Variants in COL17A1 observed in about 807,000 individuals in gnomAD.
COL17A1 encodes collagen alpha-1(XVII) chain.
COL17A1 carries 181 observed loss-of-function variants against 218.4 expected under a neutral mutation model. That is an observed-to-expected ratio of 0.83 (90% CI 0.73 to 0.94). The LOEUF (loss-of-function observed/expected upper bound fraction) is 0.94. COL17A1 is among the 40% of genes least tolerant of loss of function. COL17A1 has a pLI of 0.00. For missense variants in COL17A1, 1,924 were observed against 1,945.9 expected, an observed-to-expected ratio of 0.99 and a Z score of 0.21; for synonymous variants, 721 against 731.0, an observed-to-expected ratio of 0.99 and a Z score of 0.22.
chr10:104,073,228 C>T lies in COL17A1; in HGVS notation c.397G>A (p.Gly133Arg), dbSNP rs528672463. The change falls in exon 7 of 56, where the codon GGA (glycine) becomes AGA (arginine). Residue 133 changes from glycine to arginine, a missense_variant. Transcript: ENST00000648076. ...RKEFASSSTR[G>R]RSQTRESEIR... ...CACTCACCTCGTGTTTGACTCCGTC[C>T]TCTGGTTGAAGAAGATGCTGAGAAA... 1.8e-5 allele frequency: 29 copies of T among 1,613,878 alleles called. No individual in the cohort carries two copies. The highest frequency in any genetic ancestry group is 2.3e-5 in the Non-Finnish European group (27 of 1,179,894).
Position 104,080,614 on chromosome 10 carries a change from G to C in COL17A1, c.52+8C>G, listed in dbSNP as rs768655391. 6.2e-7 allele frequency: 1 copy of C among 1,612,062 alleles called. No individual in the cohort carries two copies. ...AACACATAAATTAAAAAATTCTGAT[G>C]CTCTTACTTCTCTCAGTGACTTCAG... On this transcript the variant is annotated splice_region_variant and intron_variant, in intron 2 of 55. Transcript: ENST00000648076.
intron 1 of COL17A1, among the ~76,000 whole-genome samples, chr10:104,085,297 C>T (rs553801001): frequency 1.3e-5 from 2 of 152,218 alleles, no homozygotes; most frequent in South Asian, 2.1e-4. Context: ...TTTAACTTCA[C>T]CCCTGAGTTG....
In COL17A1 at chr10:104,033,978, C is replaced by T; in HGVS notation, c.4123G>A (p.Glu1375Lys). ...ADFAGDLDYN[E>K]LAVRVSESMQ... is the part of the protein sequence containing the mutation. Reference sequence around the variant, plus strand: ...CTCTCTGACACCCTCACAGCCAGCTCATTGTAATCCAGATCTCCAGCAAAG... The same window carrying T: ...CTCTCTGACACCCTCACAGCCAGCTTATTGTAATCCAGATCTCCAGCAAAG... Residue 1375 changes from glutamate to lysine, a missense_variant, in exon 52 of 56, where the codon GAG (glutamate) becomes AAG (lysine). Glu to Lys is a moderately conservative substitution (Grantham distance 56, BLOSUM62 1). Transcript: ENST00000648076. 1 of 1,614,214 alleles carries T rather than the reference C, an allele frequency of 6.2e-7. No individual in the cohort carries two copies. The highest frequency in any genetic ancestry group is 8.5e-7 in the Non-Finnish European group (1 of 1,180,046).
At position 104,072,049 on chromosome 10, in the gene COL17A1, G is replaced by A. The variant is rs757767776; in HGVS notation, c.446C>T (p.Ala149Val). Residue 149 changes from alanine to valine, a missense_variant, in exon 8 of 56, where the codon GCG (alanine) becomes GTG (valine). Transcript: ENST00000648076. ...CCACTTACATCGGGTGGATGGGGAC[G>A]CACTCTGCAGTCGAACTCGAATTTC... ...ESEIRVRLQS[A>V]SPSTRWTELD... 6.2e-6 allele frequency: 10 copies of A among 1,613,916 alleles called. No homozygotes were observed. The highest frequency in any genetic ancestry group is 6.8e-6 in the Non-Finnish European group (8 of 1,180,012).
intron 46 of COL17A1, 113 bp from the exon 47 acceptor site, chr10:104,037,226 G>T: frequency 1.1e-6 from 1 of 885,228 alleles, no homozygotes; most frequent in Non-Finnish European, 1.8e-6. Context: ...GGGGGAAGTG[G>T]ATGAATGGAG....
chr10:104,035,148 A>C (rs2086263115), intron 50 of COL17A1, 115 bp downstream of exon 50: 2 of 920,170 alleles, frequency 2.2e-6, no homozygotes, highest in African/African-American at 3.3e-5. Flanking sequence ...AGGGCCCTGC[A>C]CCCAGCACTG....
intron 45 of COL17A1, among the ~76,000 whole-genome samples, chr10:104,037,989 T>C (rs564239949): frequency 6.6e-6 from 1 of 152,196 alleles, no homozygotes; most frequent in Non-Finnish European, 1.5e-5. Flanking sequence ...AAGTGGCCCA[T>C]GAGGGCTGTG....
intron 22 of COL17A1, 75 bp downstream of exon 22, chr10:104,053,845 C>G (rs2086493619): frequency 1.2e-6 from 1 of 862,622 alleles, no homozygotes; most frequent in East Asian, 2.6e-5. Context: ...TCACATACAG[C>G]AGGCACTTAA....
chr10:104,040,318 T>C (rs767518946), intron 40 of COL17A1, 33 bp downstream of exon 40: 4 of 1,504,284 alleles, frequency 2.7e-6, no homozygotes, highest in Non-Finnish European at 3.7e-6. Context: ...GGACACATAC[T>C]GGCTTCTGGG....
Position 104,040,338 on chromosome 10 carries a change from A to G in COL17A1, c.2761+13T>C, listed in dbSNP as rs2086345961. 6.3e-7 allele frequency: 1 copy of G among 1,590,136 alleles called. No individual in the cohort carries two copies. Among genetic ancestry groups the G allele is most frequent in the Non-Finnish European group, 8.6e-7 (1 of 1,158,152 alleles). On this transcript the variant is annotated intron_variant, in intron 40 of 55. Coordinates refer to ENST00000648076, the MANE Select transcript of COL17A1 (RefSeq NM_000494.4). ...CATACTGGCTTCTGGGTTCCCTGAT[A>G]CACTGTTCTCACCTTGGTCTCCCTT...
In COL17A1 at chr10:104,034,328, T is replaced by TCAGGAC. The variant is rs2086251535; in HGVS notation, c.3767_3772dup (p.Pro1257_Asp1258insGlyPro). On this transcript the variant is annotated inframe_insertion, in exon 52 of 56. Coordinates refer to ENST00000648076, the MANE Select transcript of COL17A1 (RefSeq NM_000494.4). ...GGGGCCAACAATGAAGCTGCGCACA[T>TCAGGAC]CAGGACCTGCAGGGTGAGAAGCTGC... 2 of 1,552,998 alleles carry TCAGGAC rather than the reference T, an allele frequency of 1.3e-6. No individual in the cohort carries two copies. Among genetic ancestry groups the TCAGGAC allele is most frequent in the East Asian group, 4.8e-5 (2 of 41,880 alleles).
chr10:104,043,687 C>T (rs954369041), intron 34 of COL17A1, 106 bp from the exon 35 acceptor site: 116 of 1,507,902 alleles, frequency 7.7e-5, no homozygotes, highest in Non-Finnish European at 9.2e-5. Context: ...TTCTTCTCAT[C>T]GCTGCTAAAT....
At position 104,060,198 on chromosome 10, in the gene COL17A1, G is replaced by A. The variant is rs805701; in HGVS notation, c.1062C>T (p.Ala354=). The change falls in exon 14 of 56, where the codon GCC becomes GCT. Residue 354 remains alanine (A), a synonymous_variant. Transcript: ENST00000648076. ...FLILEKDNTP[A]KKEMELLIMT... ...TGATGAGCAGCTCCATCTCCTTCTTGGCAGGTGTGTTGTCTTTCTCTAGGA... is the reference window on the plus strand; with the variant it reads ...TGATGAGCAGCTCCATCTCCTTCTTAGCAGGTGTGTTGTCTTTCTCTAGGA... 1,066,548 of 1,613,894 alleles carry A rather than the reference G, an allele frequency of 0.66. 358,427 individuals carry two copies. The highest frequency in any genetic ancestry group is 0.73 in the Admixed American group (43,828 of 60,014).
At position 104,043,824 on chromosome 10, in the gene COL17A1, C is replaced by T; in HGVS notation, c.2434+1G>A. Reference sequence around the variant, plus strand: ...GGAGGGTCCCTCTAGGACCTGCCTACCCGAAGTCACGATCTTGCCTGGAGC... The same window carrying T: ...GGAGGGTCCCTCTAGGACCTGCCTATCCGAAGTCACGATCTTGCCTGGAGC... On this transcript the variant is annotated splice_donor_variant, in intron 34 of 55. Transcript: ENST00000648076. LOFTEE classifies it high-confidence loss of function. 2 of 1,614,074 alleles carry T rather than the reference C, an allele frequency of 1.2e-6. No individual in the cohort carries two copies. Among genetic ancestry groups the T allele is most frequent in the Non-Finnish European group, 1.7e-6 (2 of 1,180,014 alleles).
intron 12 of COL17A1, 57 bp downstream of exon 12, chr10:104,062,201 G>A: frequency 6.2e-7 from 1 of 1,613,702 alleles, no homozygotes; most frequent in African/African-American, 1.3e-5. Context: ...TCAGTGAGTT[G>A]TAGCTGCAAA....
intron 16 of COL17A1, 119 bp downstream of exon 16, chr10:104,058,027 T>C (rs1374074368): frequency 1.4e-6 from 2 of 1,455,862 alleles, no homozygotes; most frequent in Non-Finnish European, 9.5e-7. Flanking sequence ...GGAAACTCTT[T>C]AGAGTCTGGT....
chr10:104,045,900 G>A, intron 32 of COL17A1, 107 bp from the exon 33 acceptor site: 3 of 918,896 alleles, frequency 3.3e-6, no homozygotes, highest in South Asian at 2.6e-5. Context: ...ACTGCTGACT[G>A]AAACCCTGGG....
At chr10:104,063,538 G>A (rs1255017878) in intron 11 of COL17A1, 17 of 719,870 alleles carry the variant, frequency 2.4e-5, no homozygotes, top group Admixed American at 1.5e-4. Flanking sequence ...GAATACGCAC[G>A]TCAATGTGGG....
intron 22 of COL17A1, among the ~76,000 whole-genome samples, chr10:104,053,582 G>A (rs561980903): frequency 5.9e-5 from 9 of 151,578 alleles, no homozygotes; most frequent in African/African-American, 9.7e-5. Flanking sequence ...CTTGCCCTTC[G>A]AATCTTTGCT....
Sources: gnomAD v4.1 joint callset for allele counts (sites outside exome capture counted in the v4.1 genomes callset) on GRCh38, gnomAD v4.1.1 for gene constraint, MANE v1.5 for transcripts, NCBI Gene and HGNC (gene_info 2026-07-23, HGNC 2026-07-21) for gene names.